Variants in ZNF560 observed in about 807,000 individuals in gnomAD.
ZNF560 encodes the protein zinc finger protein 560.
In ZNF560, 54 loss-of-function variants were observed where a neutral mutation model predicts 81.8. That is an observed-to-expected ratio of 0.66 (90% CI 0.53 to 0.83). ZNF560 has a LOEUF of 0.83. Ranked by LOEUF, ZNF560 falls within the 40% of genes least tolerant of loss-of-function variation. The pLI, the probability that ZNF560 is intolerant of heterozygous loss-of-function variation, is 0.00. For synonymous variants in ZNF560, 321 were observed against 317.9 expected (o/e 1.01, Z -0.10); for missense variants, 940 against 932.4 (o/e 1.01, Z -0.11).
intron 2 of ZNF560, among the ~76,000 whole-genome samples, chr19:9,490,390 G>A (rs58116350): frequency 0.019 from 2,957 of 152,256 alleles, 88 homozygotes; most frequent in African/African-American, 0.067. Flanking sequence ...AGGCCACATC[G>A]AATGTCAAGG....
chr19:9,448,861 CAAA>C, the ZNF560 span, among the ~76,000 whole-genome samples: 1 of 151,968 alleles, frequency 6.6e-6, no homozygotes, highest in South Asian at 2.1e-4. Context: ...AAATGCAAAA[CAAA>C]AAAGAGCACG....
the ZNF560 span, among the ~76,000 whole-genome samples, chr19:9,506,135 G>A: frequency 6.6e-6 from 1 of 151,826 alleles, no homozygotes; most frequent in South Asian, 2.1e-4. Flanking sequence ...TGGGATTACA[G>A]GTACGCACCA....
At chr19:9,473,327 TC>T in intron 4 of ZNF560, 68 bp from the exon 5 acceptor site, 1 of 1,239,798 alleles carries the variant, frequency 8.1e-7, no homozygotes, top group Non-Finnish European at 1.1e-6. Context: ...ATGCCTGTAA[TC>T]CCAGCACTTT....
chr19:9,458,053 A>C, the ZNF560 span, among the ~76,000 whole-genome samples: 3 of 152,128 alleles, frequency 2.0e-5, no homozygotes, highest in Non-Finnish European at 4.4e-5. Context: ...TCCATATACT[A>C]ATTCACGGAC....
the ZNF560 span, among the ~76,000 whole-genome samples, chr19:9,460,445 C>T: frequency 6.6e-6 from 1 of 152,154 alleles, no homozygotes; most frequent in African/African-American, 2.4e-5. Flanking sequence ...ACCTTTTCCA[C>T]CACTTCTATG....
At chr19:9,470,363 T>C (rs2073101737) in intron 7 of ZNF560, 29 bp downstream of exon 7, 1 of 1,578,616 alleles carries the variant, frequency 6.3e-7, no homozygotes, top group Non-Finnish European at 8.6e-7. Flanking sequence ...TGTTCCAGAA[T>C]AGGCTACAAG....
In ZNF560 at chr19:9,489,983, G is replaced by A. The variant is rs777822262; in HGVS notation, c.-57+8145C>T. Among the ~76,000 whole-genome samples the A allele has an allele frequency of 4.6e-5, 7 of 152,274 alleles. No homozygotes were observed. The South Asian group carries it at 1.2e-3, about 27-fold the overall frequency. ...TTTACATATTAGCTAATGGACCATG[G>A]CATGATTCTAATAGCTAAACTGGTT... On this transcript the variant is annotated intron_variant, in intron 2 of 9. Coordinates refer to ENST00000301480, the MANE Select transcript of ZNF560 (RefSeq NM_152476.3).
At chr19:9,482,087 T>C (rs2073298301) in intron 2 of ZNF560, among the ~76,000 whole-genome samples, 1 of 152,152 alleles carries the variant, frequency 6.6e-6, no homozygotes. Flanking sequence ...TGGAATACTA[T>C]GCAGCCATAA....
chr19:9,464,736 G>A (rs1300579887), downstream of ZNF560, among the ~76,000 whole-genome samples: 2 of 152,136 alleles, frequency 1.3e-5, no homozygotes, highest in African/African-American at 2.4e-5. Flanking sequence ...GTAACCCAGA[G>A]GATGTATAGC....
Position 9,469,706 on chromosome 19 carries a change from G to A in ZNF560, c.453C>T (p.Tyr151=), listed in dbSNP as rs1469336521. 1 of 1,614,108 alleles carries A rather than the reference G, an allele frequency of 6.2e-7. No individual in the cohort carries two copies. Among genetic ancestry groups the A allele is most frequent in the Admixed American group, 1.7e-5 (1 of 60,012 alleles). Reference sequence around the variant, plus strand: ...AGATCAGACTGGGTTTGAAGAGCTGGTAACCTGTACACAGGGAAAGATACA... The same window carrying A: ...AGATCAGACTGGGTTTGAAGAGCTGATAACCTGTACACAGGGAAAGATACA... ...ENYKNLSSVG[Y]QLFKPSLISW... is the part of the protein sequence containing the mutation. Residue 151 remains tyrosine, a synonymous_variant, in exon 8 of 10, where the codon TAC becomes TAT. Transcript: ENST00000301480.
chr19:9,462,277 G>C (rs2072944050), downstream of ZNF560, among the ~76,000 whole-genome samples: 1 of 152,194 alleles, frequency 6.6e-6, no homozygotes, highest in Admixed American at 6.5e-5. Flanking sequence ...GGCCCACCCA[G>C]GGCGGAAAAC....
chr19:9,472,557 A>G (rs915368633), intron 5 of ZNF560, among the ~76,000 whole-genome samples: 4 of 152,150 alleles, frequency 2.6e-5, no homozygotes, highest in African/African-American at 9.7e-5. Context: ...CCTTTTGAGA[A>G]TCTAATGCCT....
At position 9,467,340 on chromosome 19, in the gene ZNF560, C is replaced by T. The variant is rs557447622; in HGVS notation, c.1607G>A (p.Arg536Gln). ...ATAGAGTCTCTCTTCTGTGTGAGTT[C>T]GCATGTGAATACGAAGACAGGCAGA... Reference protein sequence around the residue: ...TSSACLRIHMRTHTEERLYQC... With the variant: ...TSSACLRIHMQTHTEERLYQC... The change falls in exon 10 of 10, where the codon CGA becomes CAA. Residue 536 changes from arginine to glutamine, a missense_variant. Physicochemically the swap from Arg to Gln is conservative, Grantham distance 43. Transcript: ENST00000301480. 18 of 1,614,118 alleles carry T rather than the reference C, an allele frequency of 1.1e-5. No individual in the cohort carries two copies. The highest frequency in any genetic ancestry group is 1.6e-4 in the Middle Eastern group (1 of 6,062).
the ZNF560 span, among the ~76,000 whole-genome samples, chr19:9,446,902 AGGT>A: frequency 1.3e-5 from 2 of 152,112 alleles, no homozygotes; most frequent in African/African-American, 2.4e-5. Context: ...TGGGAGGCCG[AGGT>A]GGGCAGATCA....
chr19:9,483,719 G>T (rs1311529768), intron 2 of ZNF560, among the ~76,000 whole-genome samples: 1 of 148,464 alleles, frequency 6.7e-6, no homozygotes, highest in Non-Finnish European at 1.5e-5. Flanking sequence ...GGAGGTGGGG[G>T]GCGCCTCTGC....
Position 9,489,400 on chromosome 19 carries a change from C to T in ZNF560, c.-57+8728G>A, listed in dbSNP as rs528126851. On this transcript the variant is annotated intron_variant, in intron 2 of 9. Coordinates refer to ENST00000301480, the MANE Select transcript of ZNF560 (RefSeq NM_152476.3). ...GCAGAGGTGCTCCTCACTTCCCAGA[C>T]GGTGTGGTGGCTGAGCAGAGGCGCT... Among the ~76,000 whole-genome samples, 85 of 151,926 alleles carry T rather than the reference C, an allele frequency of 5.6e-4. 1 individual carries two copies. Among genetic ancestry groups the T allele is most frequent in the Admixed American group, 2.0e-3 (30 of 15,262 alleles).
chr19:9,501,156 CTTT>C (rs759618635), upstream of ZNF560, among the ~76,000 whole-genome samples: 114 of 106,336 alleles, frequency 1.1e-3, no homozygotes, highest in South Asian at 2.9e-3. Context: ...TTCTCTTTAG[CTTT>C]TTTTTTTTTT....
chr19:9,468,225 G>T lies in ZNF560; in HGVS notation c.722C>A (p.Thr241Lys). Residue 241 changes from threonine to lysine, a missense_variant, in exon 10 of 10, where the codon ACG becomes AAG. Transcript: ENST00000301480. The part of the protein sequence containing the change: ...TNMSTQNRGN[T>K]SECIQYAKDL... Reference sequence around the variant, plus strand: ...TTTTGCATACTGAATACATTCAGACGTGTTGCCTCTATTTTGAGTACTCAT... The same window carrying T: ...TTTTGCATACTGAATACATTCAGACTTGTTGCCTCTATTTTGAGTACTCAT... 1 of 1,614,054 alleles carries T rather than the reference G, an allele frequency of 6.2e-7. No homozygotes were observed. Among genetic ancestry groups the T allele is most frequent in the Non-Finnish European group, 8.5e-7 (1 of 1,179,976 alleles).
chr19:9,469,806 G>C lies in ZNF560; in HGVS notation c.449-96C>G, dbSNP rs147619094. ...GGACTACGTTTCTAATTAAAGCAGT[G>C]AAAAGCACTTAAATTGCATATATCC... On this transcript the variant is annotated intron_variant, in intron 7 of 9. Transcript: ENST00000301480. 6.5e-3 allele frequency: 6,529 copies of C among 1,002,640 alleles called. 50 individuals are homozygous for C. Among genetic ancestry groups the C allele is most frequent in the South Asian group, 0.014 (1,072 of 76,448 alleles). 62.1% of individuals were successfully genotyped at this position (1,002,640 alleles called of 1,614,324 possible). A position where few individuals can be genotyped will look rare whatever the true frequency, so the allele number is the denominator to read the frequency against.
Sources: allele counts gnomAD v4.1 joint callset (sites outside exome capture counted in the v4.1 genomes callset), GRCh38; gene constraint gnomAD v4.1.1; transcripts MANE v1.5; gene names NCBI Gene and HGNC (gene_info 2026-07-23, HGNC 2026-07-21).